RBM33: variants seen among roughly 807,000 people sequenced by gnomAD.
The protein encoded by RBM33 is RNA binding motif protein 33, also known as RNA-binding protein 33.
In RBM33, 28 loss-of-function variants were observed where a neutral mutation model predicts 132.6. The ratio of observed to expected loss-of-function variants is 0.21; its 90% CI spans 0.16 to 0.29. The LOEUF (loss-of-function observed/expected upper bound fraction) is 0.29. RBM33 is among the 10% of genes least tolerant of loss of function. The pLI is 1.00. For synonymous variants in RBM33, 634 were observed against 593.0 expected (o/e 1.07, Z -1.01); for missense variants, 1,291 against 1,518.5 (o/e 0.85, Z 2.49).
intron 14 of RBM33, among the ~76,000 whole-genome samples, chr7:155,754,316 C>A (rs1801778137): frequency 6.6e-6 from 1 of 152,222 alleles, no homozygotes; most frequent in Non-Finnish European, 1.5e-5. Context: ...CCTCCCCTAA[C>A]TTTCAACAGC....
rs1420905768 is a variant in RBM33, at chr7:155,766,593, C to T, written c.3313C>T (p.Leu1105=). ...GCCCTGCGTGGTGTCTGTGGAGGGG[C>T]TGTCCTCGTCCACCACGGATGCCCA... The part of the protein sequence containing the change: ...PQPCVVSVEG[L]SSSTTDAQLK... The change falls in exon 16 of 18, where the codon CTG becomes TTG. Residue 1105 remains leucine (L), a synonymous_variant. Transcript: ENST00000401878. The T allele has an allele frequency of 6.2e-7, 1 of 1,612,800 alleles. No individual in the cohort carries two copies. The highest frequency in any genetic ancestry group is 8.5e-7 in the Non-Finnish European group (1 of 1,179,466).
Position 155,711,341 on chromosome 7 carries a change from C to A in RBM33, c.1087C>A (p.Pro363Thr). 3.1e-6 allele frequency: 5 copies of A among 1,604,328 alleles called. No homozygotes were observed. Among genetic ancestry groups the A allele is most frequent in the Non-Finnish European group, 4.3e-6 (5 of 1,175,622 alleles). Residue 363 changes from proline to threonine, a missense_variant, in exon 8 of 18, where the codon CCC becomes ACC. Pro to Thr is a conservative substitution (Grantham distance 38). Transcript: ENST00000401878. ...PSPPQGMHMP[P>T]QLETPRMMMT... The stretch of plus-strand genomic sequence containing the variant: ...CCCGCCTCAGGGAATGCACATGCCT[C>A]CCCAGCTAGAGACCCCAAGGATGAT...
At chr7:155,659,436 T>C (rs1798580182) in intron 1 of RBM33, among the ~76,000 whole-genome samples, 1 of 151,994 alleles carries the variant, frequency 6.6e-6, no homozygotes, top group Non-Finnish European at 1.5e-5. Flanking sequence ...CTTCTGGAAC[T>C]CAAAAGTACA....
intron 14 of RBM33, among the ~76,000 whole-genome samples, chr7:155,751,938 G>A (rs1801698559): frequency 6.6e-6 from 1 of 152,178 alleles, no homozygotes; most frequent in African/African-American, 2.4e-5. Context: ...CTCCTGCTGT[G>A]ATAATTTACA....
At chr7:155,661,442 C>T (rs1798648462) in intron 1 of RBM33, among the ~76,000 whole-genome samples, 1 of 136,938 alleles carries the variant, frequency 7.3e-6, no homozygotes, top group South Asian at 2.4e-4. Flanking sequence ...GAGTCTTGCT[C>T]TGTGGCCCAG....
intron 5 of RBM33, among the ~76,000 whole-genome samples, chr7:155,696,839 T>C (rs1280550206): frequency 6.6e-6 from 1 of 152,184 alleles, no homozygotes; most frequent in Admixed American, 6.5e-5. Context: ...TCTTAGTGTT[T>C]CCCTGTATTT....
intron 8 of RBM33, among the ~76,000 whole-genome samples, chr7:155,715,746 T>G (rs755451948): frequency 5.3e-5 from 8 of 152,240 alleles, no homozygotes; most frequent in Admixed American, 1.3e-4. Flanking sequence ...CAGTTGTTTA[T>G]TCTCTAATAG....
intron 1 of RBM33, among the ~76,000 whole-genome samples, chr7:155,658,472 C>G (rs2116879043): frequency 6.7e-6 from 1 of 148,962 alleles, no homozygotes; most frequent in South Asian, 2.1e-4. Flanking sequence ...ACTGCAACCT[C>G]TGGCCCACTG....
intron 2 of RBM33, among the ~76,000 whole-genome samples, chr7:155,665,560 G>A (rs1339262878): frequency 1.3e-5 from 2 of 152,244 alleles, no homozygotes; most frequent in African/African-American, 4.8e-5. Context: ...GTGGCCTTGT[G>A]CCAGAGTTCT....
Position 155,757,517 on chromosome 7 carries a change from A to C in RBM33, c.2980-6295A>C, listed in dbSNP as rs529050536. 2.6e-5 allele frequency among the ~76,000 whole-genome samples: 4 copies of C among 152,028 alleles called. No individual in the cohort carries two copies. The East Asian group carries it at 7.8e-4, about 30-fold the overall frequency. ...TTAATTGTTGATCCCGTTTGTTTCAACTCTGTCTGAAAATAGTTTCAAAAT... is the reference window on the plus strand; with the variant it reads ...TTAATTGTTGATCCCGTTTGTTTCACCTCTGTCTGAAAATAGTTTCAAAAT... On this transcript the variant is annotated intron_variant, in intron 14 of 17. Transcript: ENST00000401878.
chr7:155,781,238 T>C lies in RBM33; in HGVS notation c.*6197T>C, dbSNP rs1301266148. Reference sequence around the variant, plus strand: ...TTCTCTGGGTTTGATCTCCATCCTGTTTTCTCCCAGACACACCACACCTAC... The same window carrying C: ...TTCTCTGGGTTTGATCTCCATCCTGCTTTCTCCCAGACACACCACACCTAC... On this transcript the variant is annotated 3_prime_UTR_variant, in exon 18 of 18. Transcript: ENST00000401878. 6.6e-6 allele frequency: 1 copy of C among 152,364 alleles called. No homozygotes were observed. Among genetic ancestry groups the C allele is most frequent in the East Asian group, 1.9e-4 (1 of 5,194 alleles). 9.4% of individuals were successfully genotyped at this position (152,364 alleles called of 1,614,324 possible).
chr7:155,706,871 G>T lies in RBM33; in HGVS notation c.751G>T (p.Glu251Ter). 1 of 1,602,166 alleles carries T rather than the reference G, an allele frequency of 6.2e-7. No homozygotes were observed. Among genetic ancestry groups the T allele is most frequent in the African/African-American group, 1.3e-5 (1 of 74,864 alleles). Residue 251 changes from glutamate (E) to a stop codon, truncating the protein, a stop_gained, in exon 7 of 18, where the codon GAG (glutamate) becomes TAG (stop). Transcript: ENST00000401878. LOFTEE classifies it high-confidence loss of function. ...NIPETLELSA[E>*]AKAALLEFEE... is the part of the protein sequence containing the mutation. ...ATTTTTTCACATAGAGCTTTCAGCA[G>T]AGGCCAAGGCAGCATTGCTTGAATT...
rs1335443412 is a variant in RBM33 at position 155,706,874 on chromosome 7, G to T, written c.754G>T (p.Ala252Ser). Residue 252 changes from alanine to serine, a missense_variant, in exon 7 of 18, where the codon GCC (alanine) becomes TCC (serine). Transcript: ENST00000401878. ...TTTTCACATAGAGCTTTCAGCAGAGGCCAAGGCAGCATTGCTTGAATTTGA... is the reference window on the plus strand; with the variant it reads ...TTTTCACATAGAGCTTTCAGCAGAGTCCAAGGCAGCATTGCTTGAATTTGA... The part of the protein sequence containing the change: ...IPETLELSAE[A>S]KAALLEFEER... 6.2e-7 allele frequency: 1 copy of T among 1,602,638 alleles called. No homozygotes were observed. Among genetic ancestry groups the T allele is most frequent in the South Asian group, 1.1e-5 (1 of 88,320 alleles).
rs138040261 is a variant in RBM33 at position 155,741,235 on chromosome 7, C to T, written c.2050-584C>T. 6.6e-3 allele frequency among the ~76,000 whole-genome samples: 1,008 copies of T among 151,954 alleles called. 10 individuals are homozygous for T. The highest frequency in any genetic ancestry group is 0.018 in the South Asian group (87 of 4,782). On this transcript the variant is annotated intron_variant, in intron 12 of 17. Coordinates refer to ENST00000401878, the MANE Select transcript of RBM33 (RefSeq NM_053043.3). Reference sequence around the variant, plus strand: ...CCCCTGCTTCCCCCCTCCCCCCTTCCAGCTCTCTCGTGTTCTCTTTGCCTC... The same window carrying T: ...CCCCTGCTTCCCCCCTCCCCCCTTCTAGCTCTCTCGTGTTCTCTTTGCCTC...
At chr7:155,645,114 G>T in intron 1 of RBM33, 195 bp downstream of exon 1, 1 of 497,350 alleles carries the variant, frequency 2.0e-6, no homozygotes, top group Non-Finnish European at 3.6e-6. Context: ...CCTCTCCGCT[G>T]TGCAGATCGT....
intron 5 of RBM33, among the ~76,000 whole-genome samples, chr7:155,692,500 G>C (rs1799673447): frequency 6.6e-6 from 1 of 152,190 alleles, no homozygotes; most frequent in Non-Finnish European, 1.5e-5. Context: ...CACATTCAGG[G>C]TTTCCTGTGC....
At position 155,710,826 on chromosome 7, in the gene RBM33, T is replaced by C. The variant is rs183953624; in HGVS notation, c.949-377T>C. Among the ~76,000 whole-genome samples, 68 of 152,126 alleles carry C rather than the reference T, an allele frequency of 4.5e-4. No individual in the cohort carries two copies. The East Asian group carries it at 0.013, about 29-fold the overall frequency. On this transcript the variant is annotated intron_variant, in intron 7 of 17. Coordinates refer to ENST00000401878, the MANE Select transcript of RBM33 (RefSeq NM_053043.3). ...TTCCTGGAGGGGGATGCAAGGCTGC[T>C]ACAGGGAGGGCTGTGGCAGCTGCTC...
Position 155,777,311 on chromosome 7 carries a change from AT to A in RBM33, c.*2271del, listed in dbSNP as rs568325449. The A allele has an allele frequency of 1.2e-4, 18 of 152,592 alleles. No individual in the cohort carries two copies. The highest frequency in any genetic ancestry group is 3.6e-4 in the African/African-American group (15 of 41,546). 9.5% of individuals were successfully genotyped at this position (152,592 alleles called of 1,614,324 possible). ...CACGTGCACATAGGCAGACTTTCTC[AT>A]AGAATGTTCTTGAAAGGTGATTGGC... On this transcript the variant is annotated 3_prime_UTR_variant, in exon 18 of 18. Transcript: ENST00000401878.
chr7:155,741,656 T>C (rs924260417), intron 12 of RBM33, among the ~76,000 whole-genome samples, 163 bp from the exon 13 acceptor site: 1 of 152,190 alleles, frequency 6.6e-6, no homozygotes, highest in Non-Finnish European at 1.5e-5. Context: ...CAGGTGACAT[T>C]TATGTATGAG....
Sources: gnomAD v4.1 joint callset for allele counts (sites outside exome capture counted in the v4.1 genomes callset) on GRCh38, gnomAD v4.1.1 for gene constraint, MANE v1.5 for transcripts, NCBI Gene and HGNC (gene_info 2026-07-23, HGNC 2026-07-21) for gene names.